The following IMPG1 variants were observed in gnomAD, a reference collection of about 807,000 sequenced individuals.
The protein encoded by IMPG1 is interphotoreceptor matrix proteoglycan 1, also known as interphotoreceptor matrix proteoglycan of 150 kDa.
In IMPG1, 85 loss-of-function variants were observed where a neutral mutation model predicts 92.0. The ratio of observed to expected loss-of-function variants is 0.92; its 90% CI spans 0.78 to 1.11. IMPG1 has a LOEUF of 1.11. Among genes scored for constraint, IMPG1 ranks in the 50% least tolerant of loss-of-function variants. The probability of loss-of-function intolerance (pLI) is 0.00; values close to 1 mark genes in which losing one functional copy is unlikely to be tolerated. For synonymous variants in IMPG1, 367 were observed against 334.1 expected (o/e 1.10, Z -1.08); for missense variants, 1,022 against 956.0 (o/e 1.07, Z -0.91).
intron 6 of IMPG1, among the ~76,000 whole-genome samples, chr6:76,020,826 A>G (rs1450551362): frequency 1.3e-5 from 2 of 152,172 alleles, no homozygotes; most frequent in Non-Finnish European, 2.9e-5. Context: ...CCCTATATAT[A>G]TAGTGTGACT....
chr6:76,003,151 A>G (rs1451713647), intron 11 of IMPG1, among the ~76,000 whole-genome samples, 155 bp from the exon 12 acceptor site: 1 of 152,244 alleles, frequency 6.6e-6, no homozygotes, highest in Non-Finnish European at 1.5e-5. Context: ...TGATATAGAA[A>G]TATGTTCTAA....
rs142992240 is a variant in IMPG1, at chr6:76,009,294, G to C, written c.867-1794C>G. 2.6e-4 allele frequency among the ~76,000 whole-genome samples: 39 copies of C among 152,238 alleles called. No homozygotes were observed. The Middle Eastern group carries it at 0.01, about 40-fold the overall frequency. On this transcript the variant is annotated intron_variant, in intron 8 of 16. Transcript: ENST00000369950. ...CCTTTCATTGTTCATCTTCATAATT[G>C]TGTTAATGATACATGTCCTAACTAC...
chr6:75,966,033 A>G (rs535720800), intron 12 of IMPG1, among the ~76,000 whole-genome samples: 24 of 152,292 alleles, frequency 1.6e-4, no homozygotes, highest in African/African-American at 5.8e-4. Flanking sequence ...TCCGTCTAGG[A>G]TATACGAGAC....
In IMPG1 at chr6:76,034,717, C is replaced by G. The variant is rs759361429; in HGVS notation, c.372G>C (p.Gln124His). The part of the protein sequence containing the change: ...LDRIPDTGEY[Q>H]DWVSICQQET... Reference sequence around the variant, plus strand: ...CCTGCTGGCAGATGCTGACCCAGTCCTGATATTCCCCTGTGTCAGGGATGC... The same window carrying G: ...CCTGCTGGCAGATGCTGACCCAGTCGTGATATTCCCCTGTGTCAGGGATGC... The change falls in exon 3 of 17, where the codon CAG (glutamine) becomes CAC (histidine). Residue 124 changes from glutamine (Q) to histidine (H), a missense_variant. This residue lies in a region of IMPG1 where 681 missense variants were observed against 583.6 expected (regional missense o/e 1.17). Coordinates refer to ENST00000369950, the MANE Select transcript of IMPG1 (RefSeq NM_001563.4). The G allele has an allele frequency of 1.2e-6, 2 of 1,614,100 alleles. No individual in the cohort carries two copies. Among genetic ancestry groups the G allele is most frequent in the Non-Finnish European group, 1.7e-6 (2 of 1,179,944 alleles).
chr6:75,932,301 C>T (rs562507563), intron 14 of IMPG1, among the ~76,000 whole-genome samples: 12 of 152,288 alleles, frequency 7.9e-5, no homozygotes, highest in Non-Finnish European at 1.3e-4. Context: ...TTTGCTAATA[C>T]GGCAGGTGAA....
chr6:76,028,221 G>T (rs1326054260), intron 4 of IMPG1, among the ~76,000 whole-genome samples: 1 of 152,162 alleles, frequency 6.6e-6, no homozygotes, highest in South Asian at 2.1e-4. Context: ...TACACTGGAC[G>T]TTTTGCTATT....
At chr6:76,066,333 A>G (rs1784310269) in intron 1 of IMPG1, among the ~76,000 whole-genome samples, 2 of 152,122 alleles carry the variant, frequency 1.3e-5, no homozygotes. Context: ...AAAACTTGGT[A>G]AAACACTCAT....
At chr6:76,056,083 G>GA (rs149371208) in intron 1 of IMPG1, among the ~76,000 whole-genome samples, 3,930 of 150,256 alleles carry the variant, frequency 0.026, 143 homozygotes, top group African/African-American at 0.088. Context: ...GTAACAATTA[G>GA]AAAAAAAAAT....
intron 12 of IMPG1, among the ~76,000 whole-genome samples, chr6:75,992,400 A>G (rs1373623893): frequency 2.0e-5 from 3 of 152,252 alleles, no homozygotes; most frequent in Non-Finnish European, 4.4e-5. Context: ...TGTGTATAAC[A>G]TAGATGACCA....
At chr6:75,924,528 TA>T (rs1466841424) in intron 15 of IMPG1, among the ~76,000 whole-genome samples, 1 of 49,074 alleles carries the variant, frequency 2.0e-5, no homozygotes, top group African/African-American at 7.7e-5. Context: ...AATTATATAT[TA>T]TAATATAATT....
chr6:76,050,886 T>C (rs1233462044), intron 1 of IMPG1, among the ~76,000 whole-genome samples: 1 of 152,194 alleles, frequency 6.6e-6, no homozygotes, highest in Non-Finnish European at 1.5e-5. Flanking sequence ...AATCAGGCTT[T>C]CATGGTAGCA....
chr6:76,019,274 T>C (rs954333117), intron 6 of IMPG1, among the ~76,000 whole-genome samples: 5 of 152,194 alleles, frequency 3.3e-5, no homozygotes, highest in Non-Finnish European at 2.9e-5. Flanking sequence ...TGAATTCATA[T>C]GGGCTTCCAG....
chr6:76,031,004 T>A (rs978318946), intron 4 of IMPG1, among the ~76,000 whole-genome samples: 2 of 152,032 alleles, frequency 1.3e-5, no homozygotes, highest in Non-Finnish European at 2.9e-5. Flanking sequence ...AGCAGTCTAG[T>A]TAGGTGAGTG....
intron 14 of IMPG1, among the ~76,000 whole-genome samples, chr6:75,938,950 T>C (rs1781794469): frequency 1.3e-5 from 2 of 152,078 alleles, no homozygotes; most frequent in Non-Finnish European, 2.9e-5. Flanking sequence ...TAGACTGGAG[T>C]GCAGTGATGA....
chr6:76,066,421 C>A (rs1784311661), intron 1 of IMPG1, among the ~76,000 whole-genome samples: 1 of 151,798 alleles, frequency 6.6e-6, no homozygotes, highest in Admixed American at 6.6e-5. Context: ...TATAGTTACA[C>A]AAAATAAAAC....
chr6:75,995,354 T>A (rs1231050230), intron 12 of IMPG1, among the ~76,000 whole-genome samples: 1 of 152,210 alleles, frequency 6.6e-6, no homozygotes, highest in East Asian at 1.9e-4. Context: ...TTTTAGTGAT[T>A]CTTTGCAGGG....
rs1562371855 is a variant in IMPG1 at position 76,018,816 on chromosome 6, C to T, written c.709G>A (p.Glu237Lys). The T allele has an allele frequency of 3.1e-6, 5 of 1,611,958 alleles. No homozygotes were observed. In the Admixed American group the frequency reaches 5.0e-5, roughly 16 times the overall value. The part of the protein sequence containing the change: ...EFAVLEEQRV[E>K]LSVSLVNQKF... ...TGGTTTACCAGAGAGACGCTGAGCT[C>T]CACCCTCTGCTCCTCCAACACAGCG... is the stretch of plus-strand genomic sequence containing the variant. The change falls in exon 7 of 17, where the codon GAG (glutamate) becomes AAG (lysine). Residue 237 changes from glutamate (E) to lysine (K), a missense_variant. Glu to Lys is a moderately conservative substitution (Grantham distance 56). Around this residue, in one of 3 missense-constraint regions of IMPG1, gnomAD observed 681 missense variants for 583.6 expected, o/e 1.17. Transcript: ENST00000369950.
chr6:76,033,920 A>C (rs1168837139), intron 4 of IMPG1, among the ~76,000 whole-genome samples: 1 of 152,202 alleles, frequency 6.6e-6, no homozygotes, highest in African/African-American at 2.4e-5. Context: ...CAGAATACCA[A>C]ATGAGAGTTC....
chr6:76,045,107 T>C (rs1053380467), intron 1 of IMPG1, among the ~76,000 whole-genome samples: 1 of 152,144 alleles, frequency 6.6e-6, no homozygotes, highest in African/African-American at 2.4e-5. Context: ...GATACCCCAG[T>C]TTATAGCTGT....
Sources: allele counts gnomAD v4.1 joint callset (sites outside exome capture counted in the v4.1 genomes callset), GRCh38; gene constraint gnomAD v4.1.1; regional missense constraint gnomAD v4.1.1; transcripts MANE v1.5; gene names NCBI Gene and HGNC (gene_info 2026-07-23, HGNC 2026-07-21).